The following PIK3R3 variants were observed in gnomAD, a reference collection of about 807,000 sequenced individuals.
PIK3R3 encodes the protein phosphoinositide-3-kinase regulatory subunit 3.
A neutral mutation model predicts 62.9 loss-of-function variants in PIK3R3; 64 were observed. That is an observed-to-expected ratio of 1.02 (90% confidence interval 0.83 to 1.25). The LOEUF (loss-of-function observed/expected upper bound fraction) is 1.25, where lower values mean the gene tolerates loss of function less well. Among genes scored for constraint, PIK3R3 ranks in the 50% most tolerant of loss-of-function variants. The probability of loss-of-function intolerance (pLI) is 0.00; values close to 1 mark genes in which losing one functional copy is unlikely to be tolerated. For missense variants in PIK3R3, 614 were observed against 561.6 expected, an observed-to-expected ratio of 1.09 and a Z score of -0.94; for synonymous variants, 165 against 189.0, an observed-to-expected ratio of 0.87 and a Z score of 1.04.
At chr1:46,103,576 A>G (rs1250183452) in intron 1 of PIK3R3, among the ~76,000 whole-genome samples, 3 of 151,924 alleles carry the variant, frequency 2.0e-5, no homozygotes, top group African/African-American at 4.8e-5. Flanking sequence ...CCTCAAAAAA[A>G]GTTTATGATG....
In PIK3R3 at chr1:46,043,199, ATTC is replaced by A. The variant is rs1647026590; in HGVS notation, c.*471_*473del. 4.3e-6 allele frequency: 1 copy of A among 232,064 alleles called. No individual in the cohort carries two copies. The highest frequency in any genetic ancestry group is 1.8e-4 in the South Asian group (1 of 5,530). The allele number at this position is 232,064 out of a possible 1,614,324, so 14.4% of individuals were successfully genotyped here. A position where few individuals can be genotyped will look rare whatever the true frequency, so the allele number is the denominator to read the frequency against. On this transcript the variant is annotated 3_prime_UTR_variant, in exon 10 of 10. Coordinates refer to ENST00000262741, the MANE Select transcript of PIK3R3 (RefSeq NM_003629.4). ...TTGGTTGTCTTTTTCATCAAATCCCATTCTATCACAAAACCTAAACAGCCTTCT... is the reference window on the plus strand; with the variant it reads ...TTGGTTGTCTTTTTCATCAAATCCCATATCACAAAACCTAAACAGCCTTCT...
At chr1:46,115,689 G>C (rs1480280817) in intron 1 of PIK3R3, among the ~76,000 whole-genome samples, 1 of 152,142 alleles carries the variant, frequency 6.6e-6, no homozygotes, top group Non-Finnish European at 1.5e-5. Flanking sequence ...TCCTGCAACA[G>C]GTCTGAACCA....
At chr1:46,152,111 T>G in the PIK3R3 span, among the ~76,000 whole-genome samples, 1 of 152,208 alleles carries the variant, frequency 6.6e-6, no homozygotes, top group South Asian at 2.1e-4. Context: ...GGTTCAGAAG[T>G]ATCTTTTCTC....
chr1:46,119,527 C>T lies in PIK3R3; in HGVS notation c.106+12320G>A, dbSNP rs1654477933. On this transcript the variant is annotated intron_variant, in intron 1 of 9. Transcript: ENST00000262741. ...ATTCCAGAGACCCCTCTCTTAACTA[C>T]TCCACTATACTGCCTCTAGATTTCT... Among the ~76,000 whole-genome samples the T allele has an allele frequency of 2.0e-5, 3 of 152,194 alleles. No individual in the cohort carries two copies. In the South Asian group the frequency reaches 6.2e-4, roughly 31 times the overall value.
chr1:46,045,295 G>A (rs948570071), intron 9 of PIK3R3, among the ~76,000 whole-genome samples: 1 of 152,182 alleles, frequency 6.6e-6, no homozygotes, highest in African/African-American at 2.4e-5. Context: ...TTTTCTAAGT[G>A]TGGCTTTTGT....
At chr1:46,072,673 G>C (rs1175079481) in intron 3 of PIK3R3, among the ~76,000 whole-genome samples, 1 of 152,172 alleles carries the variant, frequency 6.6e-6, no homozygotes, top group Non-Finnish European at 1.5e-5. Context: ...TTTATAAGCT[G>C]GGCATGGTGG....
At chr1:46,075,978 G>A (rs1361869967) in intron 3 of PIK3R3, among the ~76,000 whole-genome samples, 1 of 152,204 alleles carries the variant, frequency 6.6e-6, no homozygotes, top group Non-Finnish European at 1.5e-5. Flanking sequence ...GACAGAATAA[G>A]AGTGTGCTCC....
At position 46,079,734 on chromosome 1, in the gene PIK3R3, A is replaced by C. The variant is rs534088056; in HGVS notation, c.215+908T>G. ...TTTGGGAGGCCAAGGTAGGTGGATC[A>C]CCTGAGGTCAGGAGTTCGAGACCAG... On this transcript the variant is annotated intron_variant, in intron 2 of 9. Transcript: ENST00000262741. Among the ~76,000 whole-genome samples, 8 of 152,250 alleles carry C rather than the reference A, an allele frequency of 5.3e-5. No homozygotes were observed. In the Middle Eastern group the frequency reaches 0.01, roughly 194 times the overall value.
chr1:46,131,070 A>G (rs1407466467), intron 1 of PIK3R3, among the ~76,000 whole-genome samples: 1 of 148,242 alleles, frequency 6.7e-6, no homozygotes. Context: ...TGTATATATC[A>G]CACGTTCACA....
chr1:46,062,093 A>C, intron 5 of PIK3R3, 22 bp from the exon 6 acceptor site: 6 of 1,570,988 alleles, frequency 3.8e-6, no homozygotes, highest in Non-Finnish European at 5.1e-6. Flanking sequence ...AAAAAGAAAA[A>C]ACACAGGCTT....
chr1:46,159,437 C>A, the PIK3R3 span, among the ~76,000 whole-genome samples: 287 of 152,204 alleles, frequency 1.9e-3, 2 homozygotes, highest in African/African-American at 6.7e-3. Flanking sequence ...GCTAATTTTG[C>A]CTTAATATAA....
intron 1 of PIK3R3, among the ~76,000 whole-genome samples, chr1:46,122,851 C>T (rs993105265): frequency 5.3e-5 from 8 of 152,086 alleles, no homozygotes; most frequent in Middle Eastern, 6.8e-3. Flanking sequence ...CATTTTAAAG[C>T]TTAAGTCACA....
chr1:46,046,643 C>T lies in PIK3R3; in HGVS notation c.942-18G>A. The T allele has an allele frequency of 3.2e-6, 5 of 1,575,936 alleles. No individual in the cohort carries two copies. The highest frequency in any genetic ancestry group is 4.4e-6 in the Non-Finnish European group (5 of 1,145,202). On this transcript the variant is annotated intron_variant, in intron 7 of 9. Transcript: ENST00000262741. The stretch of plus-strand genomic sequence containing the variant: ...TGAGCCATCTGCCAGAGGAAAGACA[C>T]CAGTGTCAGTATCCATGCAAACTCT...
chr1:46,087,796 C>T (rs1428925608), intron 1 of PIK3R3, among the ~76,000 whole-genome samples: 1 of 152,068 alleles, frequency 6.6e-6, no homozygotes, highest in African/African-American at 2.4e-5. Flanking sequence ...TGCCCACTCA[C>T]ATGGAGCTTC....
chr1:46,058,044 T>C (rs1648101289), intron 6 of PIK3R3, among the ~76,000 whole-genome samples: 1 of 152,204 alleles, frequency 6.6e-6, no homozygotes, highest in African/African-American at 2.4e-5. Flanking sequence ...CCAGGGTCCC[T>C]GAGCTGTGTG....
Position 46,043,516 on chromosome 1 carries a change from C to T in PIK3R3, c.*157G>A, listed in dbSNP as rs1202411786. On this transcript the variant is annotated 3_prime_UTR_variant, in exon 10 of 10. Coordinates refer to ENST00000262741, the MANE Select transcript of PIK3R3 (RefSeq NM_003629.4). ...GAGAACCTCAGGCCTCTAATGCCCC[C>T]ATCCCGGCCGGCTGCTGCTCGGCCT... 2 of 644,214 alleles carry T rather than the reference C, an allele frequency of 3.1e-6. No individual in the cohort carries two copies. Among genetic ancestry groups the T allele is most frequent in the African/African-American group, 1.8e-5 (1 of 54,890 alleles). 39.9% of individuals were successfully genotyped at this position (644,214 alleles called of 1,614,324 possible).
intron 1 of PIK3R3, among the ~76,000 whole-genome samples, chr1:46,130,478 GA>G (rs1557641351): frequency 4.0e-5 from 6 of 150,686 alleles, no homozygotes; most frequent in South Asian, 4.2e-4. Flanking sequence ...TAAAGGAAAA[GA>G]AAAAAATTCT....
chr1:46,069,314 G>A (rs554947296), intron 3 of PIK3R3, among the ~76,000 whole-genome samples: 1 of 152,252 alleles, frequency 6.6e-6, no homozygotes, highest in South Asian at 2.1e-4. Context: ...GAAATCAGGA[G>A]TTCGAGACCA....
rs374724466 is a variant in PIK3R3 at position 46,110,837 on chromosome 1, G to C, written c.106+21010C>G. Among the ~76,000 whole-genome samples, 23 of 151,452 alleles carry C rather than the reference G, an allele frequency of 1.5e-4. No homozygotes were observed. In the East Asian group the frequency reaches 4.3e-3, roughly 28 times the overall value. On this transcript the variant is annotated intron_variant, in intron 1 of 9. Coordinates refer to ENST00000262741, the MANE Select transcript of PIK3R3 (RefSeq NM_003629.4). The stretch of plus-strand genomic sequence containing the variant: ...AGACACAAAATGAAAAAAAGCGGAG[G>C]GGGGAGGGTCAGCCTGGGAACAGAA...
Sources: gnomAD v4.1 joint callset for allele counts (sites outside exome capture counted in the v4.1 genomes callset) on GRCh38, gnomAD v4.1.1 for gene constraint, MANE v1.5 for transcripts, NCBI Gene and HGNC (gene_info 2026-07-23, HGNC 2026-07-21) for gene names.